TPD52L1: variants seen among roughly 807,000 people sequenced by gnomAD.
The protein encoded by TPD52L1 is TPD52 like 1.
A neutral mutation model predicts 28.7 loss-of-function variants in TPD52L1; 18 were observed. That is an observed-to-expected ratio of 0.63 (90% CI 0.43 to 0.93). The LOEUF (loss-of-function observed/expected upper bound fraction) is 0.93. TPD52L1 is among the 40% of genes least tolerant of loss of function. The pLI, the probability that TPD52L1 is intolerant of heterozygous loss-of-function variation, is 0.00. For synonymous variants in TPD52L1, 75 were observed against 88.8 expected (o/e 0.84, Z 0.88); for missense variants, 203 against 254.8 (o/e 0.80, Z 1.39).
intron 1 of TPD52L1, among the ~76,000 whole-genome samples, chr6:125,183,363 C>T (rs1261048373): frequency 2.6e-5 from 4 of 152,156 alleles, no homozygotes; most frequent in African/African-American, 9.7e-5. Flanking sequence ...CCTGTAAACC[C>T]AGCTACATGG....
In TPD52L1 at chr6:125,154,594, G is replaced by A. The variant is rs550161809; in HGVS notation, c.19+624G>A. On this transcript the variant is annotated intron_variant, in intron 1 of 6. Transcript: ENST00000534000. ...GCCTCCCGTGGCGCGCGGGGCCCCC[G>A]GCCGCCCAGCTCCCTGCTCCCGGGG... 6.3e-6 allele frequency: 6 copies of A among 949,054 alleles called. No homozygotes were observed. In the South Asian group the frequency reaches 1.9e-4, roughly 31 times the overall value. The allele number at this position is 949,054 out of a possible 1,614,324, so 58.8% of individuals were successfully genotyped here. A position where few individuals can be genotyped will look rare whatever the true frequency, so the allele number is the denominator to read the frequency against.
At chr6:125,198,899 AC>A (rs1793617945) in intron 1 of TPD52L1, among the ~76,000 whole-genome samples, 1 of 152,198 alleles carries the variant, frequency 6.6e-6, no homozygotes, top group African/African-American at 2.4e-5. Flanking sequence ...CCCTACAATC[AC>A]AACAATGAGT....
chr6:125,172,537 T>TATATATATATATA (rs1791522816), intron 1 of TPD52L1, among the ~76,000 whole-genome samples: 2 of 88,882 alleles, frequency 2.3e-5, no homozygotes, highest in Non-Finnish European at 4.1e-5. Flanking sequence ...TATATATATA[T>TATATATATATATA]ATATATATAT....
At chr6:125,193,248 T>A (rs1793179165) in intron 1 of TPD52L1, among the ~76,000 whole-genome samples, 1 of 152,106 alleles carries the variant, frequency 6.6e-6, no homozygotes, top group Non-Finnish European at 1.5e-5. Context: ...CTGTCCCTGG[T>A]GGGGTATAGC....
intron 3 of TPD52L1, among the ~76,000 whole-genome samples, chr6:125,230,900 C>T (rs557203715): frequency 1.1e-4 from 17 of 152,122 alleles, no homozygotes; most frequent in Middle Eastern, 3.4e-3. Flanking sequence ...ATGACAATTA[C>T]GGGAAAAAAT....
At chr6:125,222,107 C>T (rs754919559) in intron 2 of TPD52L1, 3 of 152,244 alleles carry the variant, frequency 2.0e-5, no homozygotes, top group Non-Finnish European at 4.4e-5. Context: ...TTTCCTTACT[C>T]TTTTACAAGT....
chr6:125,249,744 C>T (rs1255602760), intron 4 of TPD52L1, among the ~76,000 whole-genome samples: 1 of 149,500 alleles, frequency 6.7e-6, no homozygotes, highest in Non-Finnish European at 1.5e-5. Flanking sequence ...AGGCAAATAT[C>T]TTCCTAACTT....
chr6:125,211,137 G>A (rs1794464442), intron 1 of TPD52L1, among the ~76,000 whole-genome samples: 1 of 151,830 alleles, frequency 6.6e-6, no homozygotes, highest in Non-Finnish European at 1.5e-5. Flanking sequence ...ATAAATTAGG[G>A]GACCAATTGG....
chr6:125,243,448 G>T (rs935709996), intron 3 of TPD52L1, among the ~76,000 whole-genome samples: 1 of 151,700 alleles, frequency 6.6e-6, no homozygotes, highest in African/African-American at 2.4e-5. Context: ...ATTATTCTTA[G>T]GTTTGGCCAT....
At chr6:125,226,590 T>C (rs1713013505) in intron 2 of TPD52L1, among the ~76,000 whole-genome samples, 2 of 152,112 alleles carry the variant, frequency 1.3e-5, no homozygotes, top group South Asian at 2.1e-4. Flanking sequence ...TGTACATCTG[T>C]AATTTATTTC....
intron 1 of TPD52L1, among the ~76,000 whole-genome samples, chr6:125,160,655 C>A (rs781662339): frequency 6.6e-6 from 1 of 152,170 alleles, no homozygotes; most frequent in Non-Finnish European, 1.5e-5. Flanking sequence ...AGCCAAGCAT[C>A]GACTCCTCCT....
intron 1 of TPD52L1, among the ~76,000 whole-genome samples, chr6:125,156,336 T>C (rs1270612007): frequency 2.0e-5 from 3 of 151,480 alleles, no homozygotes; most frequent in Non-Finnish European, 4.4e-5. Flanking sequence ...TGTGGTGGCA[T>C]GTGCCTGTAG....
chr6:125,224,057 GT>G (rs896220161), intron 2 of TPD52L1, among the ~76,000 whole-genome samples: 1,497 of 147,656 alleles, frequency 0.01, 23 homozygotes, highest in African/African-American at 0.033. Context: ...TTACACACCT[GT>G]TTTTTTTTTC....
At chr6:125,171,154 C>G (rs1353813872) in intron 1 of TPD52L1, among the ~76,000 whole-genome samples, 2 of 152,120 alleles carry the variant, frequency 1.3e-5, no homozygotes, top group Non-Finnish European at 2.9e-5. Context: ...TAGGCCCCAC[C>G]CATTTCTGTT....
intron 1 of TPD52L1, among the ~76,000 whole-genome samples, chr6:125,173,196 G>A (rs977500202): frequency 1.3e-5 from 2 of 152,156 alleles, no homozygotes; most frequent in African/African-American, 2.4e-5. Flanking sequence ...CCAAGAGGAA[G>A]AAAAGTCCAA....
At chr6:125,167,345 C>T (rs1384498227) in intron 1 of TPD52L1, among the ~76,000 whole-genome samples, 4 of 152,080 alleles carry the variant, frequency 2.6e-5, no homozygotes, top group African/African-American at 9.7e-5. Context: ...GCATCATTTG[C>T]TCATGTTTTA....
At chr6:125,252,691 G>C (rs1797350106) in intron 4 of TPD52L1, 1 of 152,178 alleles carries the variant, frequency 6.6e-6, no homozygotes. Context: ...TGGTAATGCA[G>C]ATGAGGCTCT....
chr6:125,264,360 T>C lies in TPD52L1; in HGVS notation c.*1398T>C, dbSNP rs1266569175. On this transcript the variant is annotated 3_prime_UTR_variant, in exon 7 of 7. Coordinates refer to ENST00000534000, the MANE Select transcript of TPD52L1 (RefSeq NM_003287.4). ...TTTTGTGTTTATTAAATAGAAGTGA[T>C]ATATATGACATTTTGAAGTAAAGCA... 2.0e-5 allele frequency: 3 copies of C among 152,210 alleles called. No individual in the cohort carries two copies. The highest frequency in any genetic ancestry group is 4.4e-5 in the Non-Finnish European group (3 of 68,038). 9.4% of individuals were successfully genotyped at this position (152,210 alleles called of 1,614,324 possible). A position where few individuals can be genotyped will look rare whatever the true frequency, so the allele number is the denominator to read the frequency against.
chr6:125,169,030 C>T (rs1170789966), intron 1 of TPD52L1, among the ~76,000 whole-genome samples: 1 of 152,108 alleles, frequency 6.6e-6, no homozygotes, highest in East Asian at 1.9e-4. Flanking sequence ...TCTACCCCTG[C>T]TTTCCACCTC....
Sources: allele counts gnomAD v4.1 joint callset (sites outside exome capture counted in the v4.1 genomes callset), GRCh38; gene constraint gnomAD v4.1.1; transcripts MANE v1.5; gene names NCBI Gene and HGNC (gene_info 2026-07-23, HGNC 2026-07-21).